The following KCNIP2 variants were observed in gnomAD, a reference collection of about 807,000 sequenced individuals.
KCNIP2 encodes potassium voltage-gated channel interacting protein 2.
In KCNIP2, 19 loss-of-function variants were observed where a neutral mutation model predicts 39.0. The ratio of observed to expected loss-of-function variants is 0.49; its 90% confidence interval spans 0.34 to 0.71. KCNIP2 has a LOEUF of 0.71. KCNIP2 is among the 30% of genes least tolerant of loss of function. The probability of loss-of-function intolerance (pLI) is 0.01; values close to 1 mark genes in which losing one functional copy is unlikely to be tolerated. For missense variants in KCNIP2, 261 were observed against 346.0 expected (o/e 0.75, Z 1.95); for synonymous variants, 111 against 131.2 (o/e 0.85, Z 1.05).
rs559144398 is a variant in KCNIP2 at position 101,830,971 on chromosome 10, TGCGCACACTCGCAGGCCTGGGGCAC to T, written c.169+76_169+100del. Reference sequence around the variant, plus strand: ...CCCCCACACATGCAGGCCTGGAGCATGCGCACACTCGCAGGCCTGGGGCACACGCGCACACACTCATGCACAGACA... The same window carrying T: ...CCCCCACACATGCAGGCCTGGAGCATACGCGCACACACTCATGCACAGACA... On this transcript the variant is annotated intron_variant, in intron 2 of 9. Transcript: ENST00000356640. 3.4e-4 allele frequency: 356 copies of T among 1,048,320 alleles called. 5 individuals are homozygous for T. The South Asian group carries it at 4.7e-3, about 14-fold the overall frequency. 64.9% of individuals were successfully genotyped at this position (1,048,320 alleles called of 1,614,324 possible).
intron 1 of KCNIP2, among the ~76,000 whole-genome samples, chr10:101,841,250 G>A (rs1424910166): frequency 6.6e-6 from 1 of 152,204 alleles, no homozygotes; most frequent in Non-Finnish European, 1.5e-5. Context: ...CCGGGAAGAC[G>A]GGAGCTGCAG....
Position 101,843,681 on chromosome 10 carries a change from G to A in KCNIP2, c.-113C>T. 1 of 528,440 alleles carries A rather than the reference G, an allele frequency of 1.9e-6. No homozygotes were observed. The highest frequency in any genetic ancestry group is 3.2e-6 in the Non-Finnish European group (1 of 313,442). The allele number at this position is 528,440 out of a possible 1,614,324, so 32.7% of individuals were successfully genotyped here. The stretch of plus-strand genomic sequence containing the variant: ...CTACTGTGCTGTCGGGGCTGGGGAA[G>A]TCCGGGCTGAGGCTGAGTCTGGGAA... On this transcript the variant is annotated 5_prime_UTR_variant, in exon 1 of 10. Coordinates refer to ENST00000356640, the MANE Select transcript of KCNIP2 (RefSeq NM_173191.3). The surrounding 1 kb of genome is among the most constrained non-coding windows in gnomAD (Gnocchi z 6.7).
Position 101,843,753 on chromosome 10 carries a change from G to A in KCNIP2, c.-185C>T, listed in dbSNP as rs1174305833. 1.3e-5 allele frequency: 5 copies of A among 397,750 alleles called. No homozygotes were observed. Among genetic ancestry groups the A allele is most frequent in the African/African-American group, 1.0e-4 (5 of 47,794 alleles). The allele number at this position is 397,750 out of a possible 1,614,324, so 24.6% of individuals were successfully genotyped here. On this transcript the variant is annotated 5_prime_UTR_variant, in exon 1 of 10. Transcript: ENST00000356640. This position sits in a 1 kb window ranked among gnomAD's most constrained non-coding sequence, Gnocchi z 6.7. ...ACCCGGAGGTCCTGGAGCAGGAGAG[G>A]GAACACTAGGCAGCAGGTGAGCGCA...
intron 1 of KCNIP2, among the ~76,000 whole-genome samples, chr10:101,831,808 CAT>C (rs554285048): frequency 5.1e-4 from 77 of 152,306 alleles, no homozygotes; most frequent in African/African-American, 1.7e-3. Context: ...GACATCATGA[CAT>C]GTGAGTCTAC....
chr10:101,833,141 T>C (rs1280345787), intron 1 of KCNIP2, among the ~76,000 whole-genome samples: 1 of 152,156 alleles, frequency 6.6e-6, no homozygotes, highest in East Asian at 1.9e-4. Flanking sequence ...TACCCTGCAG[T>C]CCTCCATCAT....
intron 2 of KCNIP2, among the ~76,000 whole-genome samples, chr10:101,830,839 A>C (rs368127811): frequency 0.011 from 1,483 of 140,692 alleles, 5 homozygotes; most frequent in Non-Finnish European, 0.011. Flanking sequence ...ACGCCCCCCC[A>C]CACACACACG....
At chr10:101,829,961 C>A in intron 2 of KCNIP2, 64 bp from the exon 3 acceptor site, 16 of 1,530,588 alleles carry the variant, frequency 1.0e-5, no homozygotes, top group Non-Finnish European at 1.1e-5. Flanking sequence ...ACACACCTGG[C>A]CCCTCACACT....
At chr10:101,831,442 C>G (rs1197881172) in intron 1 of KCNIP2, among the ~76,000 whole-genome samples, 2 of 152,108 alleles carry the variant, frequency 1.3e-5, no homozygotes, top group Non-Finnish European at 2.9e-5. Context: ...CTTTGCTGAC[C>G]TAGTACCCTT....
intron 1 of KCNIP2, among the ~76,000 whole-genome samples, chr10:101,833,076 G>A (rs187031443): frequency 1.3e-5 from 2 of 151,756 alleles, no homozygotes; most frequent in Admixed American, 1.3e-4. Flanking sequence ...GGCAATTCAT[G>A]CACCTTCCTC....
Position 101,831,152 on chromosome 10 carries a change from G to A in KCNIP2, c.89C>T (p.Pro30Leu). The A allele has an allele frequency of 6.2e-7, 1 of 1,607,658 alleles. No homozygotes were observed. Among genetic ancestry groups the A allele is most frequent in the Non-Finnish European group, 8.5e-7 (1 of 1,177,226 alleles). The change falls in exon 2 of 10, where the codon CCC becomes CTC. Residue 30 changes from proline to leucine, a missense_variant. By Grantham distance (98) the Pro-to-Leu change is moderately conservative. Coordinates refer to ENST00000356640, the MANE Select transcript of KCNIP2 (RefSeq NM_173191.3). ...YDQLTGHPPGPTKKALKQRFL... is the reference protein window; with the variant it reads ...YDQLTGHPPGLTKKALKQRFL... The stretch of plus-strand genomic sequence containing the variant: ...TCGCTGCTTCAGCGCTTTTTTAGTG[G>A]GCCCTGGAGGGTGGCCTGGGAAGAG...
rs373030346 is a variant in KCNIP2, at chr10:101,828,378, G to A, written c.489+11C>T. 3.3e-5 allele frequency: 53 copies of A among 1,614,006 alleles called. No homozygotes were observed. In the Middle Eastern group the frequency reaches 4.9e-4, roughly 15 times the overall value. On this transcript the variant is annotated intron_variant, in intron 6 of 9. Coordinates refer to ENST00000356640, the MANE Select transcript of KCNIP2 (RefSeq NM_173191.3). The surrounding 1 kb of genome is among the most constrained non-coding windows in gnomAD (Gnocchi z 6.6). ...GAAACAGGCTTCCCTGGCCCACCTC[G>A]CCCAGCTCACCTCAAAACTGACCGA...
intron 2 of KCNIP2, chr10:101,830,367 CA>C: frequency 7.9e-7 from 1 of 1,272,984 alleles, no homozygotes; most frequent in Non-Finnish European, 1.0e-6. Context: ...CAACACACAT[CA>C]GGGGTCCAAA....
Position 101,828,283 on chromosome 10 carries a change from G to A in KCNIP2, c.490-25C>T. 3 of 1,611,298 alleles carry A rather than the reference G, an allele frequency of 1.9e-6. No individual in the cohort carries two copies. Among genetic ancestry groups the A allele is most frequent in the East Asian group, 4.5e-5 (2 of 44,872 alleles). ...CCTGGGAAGGAGGCAGGAGGGAGCT[G>A]TGTCCTCGGGTACTCTTCACCCAAC... On this transcript the variant is annotated intron_variant, in intron 6 of 9. Coordinates refer to ENST00000356640, the MANE Select transcript of KCNIP2 (RefSeq NM_173191.3). The surrounding 1 kb of genome is among the most constrained non-coding windows in gnomAD (Gnocchi z 6.6).
intron 1 of KCNIP2, among the ~76,000 whole-genome samples, chr10:101,840,058 G>GGT (rs775810929): frequency 5.6e-4 from 2 of 3,572 alleles, no homozygotes; most frequent in African/African-American, 1.3e-3. Context: ...GTTCCTGGAC[G>GGT]GGGGGGGGGG....
At position 101,831,160 on chromosome 10, in the gene KCNIP2, A is replaced by G. The variant is rs1289156514; in HGVS notation, c.81T>C (p.Pro27=). 25 of 1,605,030 alleles carry G rather than the reference A, an allele frequency of 1.6e-5. 1 individual carries two copies. The highest frequency in any genetic ancestry group is 5.1e-5 in the Admixed American group (3 of 58,618). ...DGSYDQLTGH[P]PGPTKKALKQ... Reference sequence around the variant, plus strand: ...TCAGCGCTTTTTTAGTGGGCCCTGGAGGGTGGCCTGGGAAGAGAGAAGACC... The same window carrying G: ...TCAGCGCTTTTTTAGTGGGCCCTGGGGGGTGGCCTGGGAAGAGAGAAGACC... Residue 27 remains proline, a synonymous_variant, in exon 2 of 10, where the codon CCT becomes CCC. Transcript: ENST00000356640.
chr10:101,832,384 T>C (rs2066025983), intron 1 of KCNIP2, among the ~76,000 whole-genome samples: 1 of 151,484 alleles, frequency 6.6e-6, no homozygotes, highest in Admixed American at 6.6e-5. Flanking sequence ...CTGGATCAGA[T>C]CCCACTGGAT....
chr10:101,831,826 A>G (rs968716706), intron 1 of KCNIP2, among the ~76,000 whole-genome samples: 5 of 152,210 alleles, frequency 3.3e-5, no homozygotes, highest in African/African-American at 1.2e-4. Context: ...TCTACAAAGA[A>G]CACTATGACA....
Position 101,843,597 on chromosome 10 carries a change from C to A in KCNIP2, c.-29G>T, listed in dbSNP as rs894627003. On this transcript the variant is annotated 5_prime_UTR_variant, in exon 1 of 10. Coordinates refer to ENST00000356640, the MANE Select transcript of KCNIP2 (RefSeq NM_173191.3). The surrounding 1 kb of genome is among the most constrained non-coding windows in gnomAD (Gnocchi z 6.7). The stretch of plus-strand genomic sequence containing the variant: ...CCCCGGCGCCCCGCTCCCGCCCGGG[C>A]CGTGGGAGGGGGCGCCGGGTGGCCG... 6.4e-5 allele frequency: 89 copies of A among 1,398,914 alleles called. No homozygotes were observed. Among genetic ancestry groups the A allele is most frequent in the Non-Finnish European group, 8.0e-5 (85 of 1,060,596 alleles). 86.7% of individuals were successfully genotyped at this position (1,398,914 alleles called of 1,614,324 possible). A position where few individuals can be genotyped will look rare whatever the true frequency, so the allele number is the denominator to read the frequency against.
In KCNIP2 at chr10:101,827,671, G is replaced by T; in HGVS notation, c.765+18C>A. The T allele has an allele frequency of 6.2e-7, 1 of 1,613,754 alleles. No individual in the cohort carries two copies. The highest frequency in any genetic ancestry group is 8.5e-7 in the Non-Finnish European group (1 of 1,179,626). On this transcript the variant is annotated intron_variant, in intron 9 of 9. Coordinates refer to ENST00000356640, the MANE Select transcript of KCNIP2 (RefSeq NM_173191.3). ...CCTGAGTCCAGGTCAGGGTAATGTA[G>T]AGGGCAGGGAGCTGTACCTTTTGAC...
Sources: gnomAD v4.1 joint callset for allele counts (sites outside exome capture counted in the v4.1 genomes callset) on GRCh38, gnomAD v4.1.1 for gene constraint, Gnocchi (gnomAD v3.1) non-coding constraint, MANE v1.5 for transcripts, NCBI Gene and HGNC (gene_info 2026-07-23, HGNC 2026-07-21) for gene names.